The following PRELID2 variants were observed in gnomAD, a reference collection of about 807,000 sequenced individuals.
PRELID2 encodes the protein PRELI domain containing 2, also known as PRELI domain-containing protein 2.
A neutral mutation model predicts 28.4 loss-of-function variants in PRELID2; 25 were observed. The observed-to-expected ratio is 0.88, with a 90% CI of 0.64 to 1.23. PRELID2 has a LOEUF of 1.23. PRELID2 is among the 50% of genes most tolerant of loss of function. The pLI is 0.00. For synonymous variants in PRELID2, 76 were observed against 71.6 expected (o/e 1.06, Z -0.31); for missense variants, 201 against 214.4 (o/e 0.94, Z 0.39).
chr5:145,530,713 C>T (rs912029954), intron 1 of PRELID2, among the ~76,000 whole-genome samples: 2 of 151,976 alleles, frequency 1.3e-5, no homozygotes, highest in African/African-American at 4.8e-5. Flanking sequence ...GCATTGAGAG[C>T]TAGTGAACAA....
intron 1 of PRELID2, among the ~76,000 whole-genome samples, chr5:145,582,277 C>G (rs1753114030): frequency 6.6e-6 from 1 of 151,976 alleles, no homozygotes; most frequent in South Asian, 2.1e-4. Flanking sequence ...TTCTGCAGGG[C>G]TAAGGGAAGG....
chr5:145,761,333 G>C (rs761795084), intron 6 of PRELID2, among the ~76,000 whole-genome samples: 2 of 152,096 alleles, frequency 1.3e-5, no homozygotes, highest in Non-Finnish European at 2.9e-5. Flanking sequence ...TTGTGTACGC[G>C]CATTGGAACT....
chr5:145,487,742 G>C (rs1374978723), intron 1 of PRELID2, among the ~76,000 whole-genome samples: 2 of 151,740 alleles, frequency 1.3e-5, no homozygotes, highest in Non-Finnish European at 2.9e-5. Flanking sequence ...AGGAAGGAAG[G>C]GTATCAGGTT....
intron 1 of PRELID2, among the ~76,000 whole-genome samples, chr5:145,697,121 T>G (rs1755297310): frequency 6.9e-6 from 1 of 144,998 alleles, no homozygotes; most frequent in Non-Finnish European, 1.5e-5. Context: ...ACCTGACATA[T>G]ATATATACAC....
chr5:145,397,710 T>A, the PRELID2 span, among the ~76,000 whole-genome samples: 1 of 152,128 alleles, frequency 6.6e-6, no homozygotes, highest in Non-Finnish European at 1.5e-5. Flanking sequence ...TGAAAGCCTT[T>A]AGGAAATCAT....
intron 1 of PRELID2, among the ~76,000 whole-genome samples, chr5:145,513,035 C>A (rs1752475561): frequency 6.6e-6 from 1 of 152,118 alleles, no homozygotes; most frequent in African/African-American, 2.4e-5. Flanking sequence ...GAGGAAAAAA[C>A]AGCTCAGAAA....
chr5:145,358,813 C>A, the PRELID2 span, among the ~76,000 whole-genome samples: 4 of 152,148 alleles, frequency 2.6e-5, no homozygotes, highest in African/African-American at 4.8e-5. Flanking sequence ...TCATGATTGG[C>A]AAATTCAAAG....
At chr5:145,481,912 A>G (rs537838863) in intron 1 of PRELID2, among the ~76,000 whole-genome samples, 1 of 152,340 alleles carries the variant, frequency 6.6e-6, no homozygotes, top group African/African-American at 2.4e-5. Context: ...AATTTGTTAC[A>G]GTTGGTATTA....
Position 145,757,638 on chromosome 5 carries a change from T to C in PRELID2, c.*2898A>G, listed in dbSNP as rs1757297581. Reference sequence around the variant, plus strand: ...TCTAAATGTTTTATCACAAAACATATAATTTAAAAAAATTAACAAGCCCTA... The same window carrying C: ...TCTAAATGTTTTATCACAAAACATACAATTTAAAAAAATTAACAAGCCCTA... On this transcript the variant is annotated 3_prime_UTR_variant, in exon 7 of 7. Coordinates refer to ENST00000683046, the MANE Select transcript of PRELID2 (RefSeq NM_205846.3). Among the ~76,000 whole-genome samples the C allele has an allele frequency of 6.6e-6, 1 of 151,980 alleles. No individual in the cohort carries two copies. Among genetic ancestry groups the C allele is most frequent in the Non-Finnish European group, 1.5e-5 (1 of 68,012 alleles).
chr5:145,553,289 G>A (rs1752853661), intron 1 of PRELID2, among the ~76,000 whole-genome samples: 1 of 151,344 alleles, frequency 6.6e-6, no homozygotes. Context: ...CAGGATCTTT[G>A]ACAAGGAAGT....
intron 1 of PRELID2, among the ~76,000 whole-genome samples, chr5:145,561,240 T>TA (rs1397927385): frequency 6.6e-6 from 1 of 152,318 alleles, no homozygotes; most frequent in East Asian, 1.9e-4. Context: ...TGAATGCAAA[T>TA]ACATATTAAC....
intron 1 of PRELID2, among the ~76,000 whole-genome samples, chr5:145,519,464 C>T (rs180898276): frequency 6.6e-6 from 1 of 152,136 alleles, no homozygotes; most frequent in African/African-American, 2.4e-5. Context: ...AGCCACATAC[C>T]CTATAAACCA....
chr5:145,796,354 G>GTCTGC, intron 5 of PRELID2, 88 bp downstream of exon 5: 1 of 692,976 alleles, frequency 1.4e-6, no homozygotes, highest in Non-Finnish European at 2.4e-6. Flanking sequence ...TTCTCATTAT[G>GTCTGC]TCTGCTCATG....
At chr5:145,525,291 C>T (rs1251197329) in intron 1 of PRELID2, among the ~76,000 whole-genome samples, 1 of 152,144 alleles carries the variant, frequency 6.6e-6, no homozygotes, top group Non-Finnish European at 1.5e-5. Flanking sequence ...CAAAGTTTCT[C>T]CTTGCAATTT....
chr5:145,290,973 GA>G, the PRELID2 span, among the ~76,000 whole-genome samples: 1 of 151,758 alleles, frequency 6.6e-6, no homozygotes, highest in African/African-American at 2.4e-5. Context: ...GGTTTTTACA[GA>G]GGTAGTCAAG....
At chr5:145,276,215 G>A in the PRELID2 span, among the ~76,000 whole-genome samples, 57 of 152,222 alleles carry the variant, frequency 3.7e-4, no homozygotes, top group African/African-American at 1.4e-3. Context: ...TTAAGCAATT[G>A]ATGGAAGCAC....
At chr5:145,327,884 T>A in the PRELID2 span, among the ~76,000 whole-genome samples, 9 of 152,122 alleles carry the variant, frequency 5.9e-5, no homozygotes, top group African/African-American at 2.2e-4. Context: ...GCTGCACCCA[T>A]CAACTTGTCA....
the PRELID2 span, among the ~76,000 whole-genome samples, chr5:145,315,064 C>CTTTTTTTTTTTT: frequency 3.0e-5 from 3 of 100,590 alleles, no homozygotes; most frequent in Non-Finnish European, 4.0e-5. Context: ...TACAATAATT[C>CTTTTTTTTTTTT]TTTTTTTTTT....
At chr5:145,490,700 T>C (rs1580956617) in intron 1 of PRELID2, among the ~76,000 whole-genome samples, 1 of 152,306 alleles carries the variant, frequency 6.6e-6, no homozygotes, top group South Asian at 2.1e-4. Context: ...TGTTGTTTTG[T>C]TTCACCTATA....
Sources: allele counts gnomAD v4.1 joint callset (sites outside exome capture counted in the v4.1 genomes callset), GRCh38; gene constraint gnomAD v4.1.1; transcripts MANE v1.5; gene names NCBI Gene and HGNC (gene_info 2026-07-23, HGNC 2026-07-21).